KLHL32: variants seen among roughly 807,000 people sequenced by gnomAD.
KLHL32 encodes kelch like family member 32, also known as kelch-like protein 32.
A neutral mutation model predicts 64.8 loss-of-function variants in KLHL32; 35 were observed. That is an observed-to-expected ratio of 0.54 (90% CI 0.41 to 0.72). The LOEUF (loss-of-function observed/expected upper bound fraction) is 0.72. Ranked by LOEUF, KLHL32 falls within the 30% of genes least tolerant of loss-of-function variation. KLHL32 has a pLI of 0.00. For missense variants in KLHL32, 589 were observed against 768.5 expected, an observed-to-expected ratio of 0.77 and a Z score of 2.76; for synonymous variants, 259 against 281.0, an observed-to-expected ratio of 0.92 and a Z score of 0.78.
chr6:97,033,186 T>G (rs1418550268), intron 3 of KLHL32, among the ~76,000 whole-genome samples: 1 of 152,190 alleles, frequency 6.6e-6, no homozygotes, highest in Non-Finnish European at 1.5e-5. Flanking sequence ...CCAAAACATA[T>G]GTCTGACTCA....
At chr6:97,091,721 T>A (rs1794263848) in intron 6 of KLHL32, among the ~76,000 whole-genome samples, 1 of 152,232 alleles carries the variant, frequency 6.6e-6, no homozygotes, top group South Asian at 2.1e-4. Flanking sequence ...TTCAATGCTT[T>A]GCTTATTGTT....
At chr6:97,041,441 T>A (rs1785100444) in intron 3 of KLHL32, 51 bp from the exon 4 acceptor site, 1 of 1,232,654 alleles carries the variant, frequency 8.1e-7, no homozygotes. Flanking sequence ...TTTGTCTTGC[T>A]CCCTTGCTGT....
intron 5 of KLHL32, among the ~76,000 whole-genome samples, chr6:97,069,917 T>A (rs974937432): frequency 5.3e-5 from 8 of 151,956 alleles, no homozygotes; most frequent in Admixed American, 6.6e-5. Context: ...TTATAGGAGG[T>A]TATCTCTTCT....
At chr6:97,070,878 AAAG>A (rs1442603173) in intron 5 of KLHL32, among the ~76,000 whole-genome samples, 2 of 152,082 alleles carry the variant, frequency 1.3e-5, no homozygotes, top group Admixed American at 6.6e-5. Flanking sequence ...GGGGTGTGTA[AAAG>A]AAGATCTGTG....
the KLHL32 span, among the ~76,000 whole-genome samples, chr6:96,917,956 A>G: frequency 6.3e-4 from 96 of 152,330 alleles, no homozygotes; most frequent in African/African-American, 2.2e-3. Context: ...CGTACATTGT[A>G]GGATGTTTAG....
At chr6:97,101,189 GT>G (rs988453248) in intron 6 of KLHL32, among the ~76,000 whole-genome samples, 1 of 151,916 alleles carries the variant, frequency 6.6e-6, no homozygotes, top group Non-Finnish European at 1.5e-5. Flanking sequence ...AAATTAAACA[GT>G]TTTTTTAAAC....
chr6:96,909,791 A>C, the KLHL32 span, among the ~76,000 whole-genome samples: 1 of 152,252 alleles, frequency 6.6e-6, no homozygotes, highest in Non-Finnish European at 1.5e-5. Context: ...GTTTGAAAGC[A>C]TGTGTCTTTT....
chr6:97,054,540 CAT>C (rs1787483491), intron 4 of KLHL32, among the ~76,000 whole-genome samples: 2 of 152,136 alleles, frequency 1.3e-5, no homozygotes, highest in Admixed American at 6.5e-5. Flanking sequence ...GCATATATAA[CAT>C]AGAAAAATAC....
At chr6:96,981,654 G>T (rs534176862) in intron 3 of KLHL32, among the ~76,000 whole-genome samples, 21 of 152,020 alleles carry the variant, frequency 1.4e-4, no homozygotes, top group Admixed American at 3.9e-4. Context: ...GATTGTTAAC[G>T]TGACATCTTT....
chr6:96,987,869 ATAAAT>A (rs1777312757), intron 3 of KLHL32, among the ~76,000 whole-genome samples: 1 of 152,240 alleles, frequency 6.6e-6, no homozygotes, highest in Non-Finnish European at 1.5e-5. Context: ...TCCCTATTTA[ATAAAT>A]GGTGCTGGGA....
intron 10 of KLHL32, among the ~76,000 whole-genome samples, chr6:97,138,240 C>CTA (rs1800264828): frequency 8.3e-6 from 1 of 121,048 alleles, no homozygotes; most frequent in Admixed American, 8.0e-5. Flanking sequence ...AGAGGCTGTG[C>CTA]TATATAAGAA....
intron 4 of KLHL32, among the ~76,000 whole-genome samples, chr6:97,054,748 A>G (rs1235519420): frequency 3.3e-5 from 5 of 152,344 alleles, no homozygotes; most frequent in African/African-American, 9.6e-5. Context: ...AATGATAGCC[A>G]TTCATCTCTA....
At chr6:97,039,562 C>T (rs1238165322) in intron 3 of KLHL32, among the ~76,000 whole-genome samples, 2 of 105,974 alleles carry the variant, frequency 1.9e-5, no homozygotes, top group African/African-American at 4.7e-5. Flanking sequence ...TGGTTCACGC[C>T]TGTAATCCCA....
chr6:97,076,382 T>C (rs1008690003), intron 5 of KLHL32, among the ~76,000 whole-genome samples: 23 of 152,244 alleles, frequency 1.5e-4, no homozygotes, highest in Non-Finnish European at 1.3e-4. Flanking sequence ...GCATCTACTA[T>C]GTAGAAGGTA....
chr6:96,913,151 T>A, the KLHL32 span, among the ~76,000 whole-genome samples: 1 of 152,254 alleles, frequency 6.6e-6, no homozygotes, highest in African/African-American at 2.4e-5. Context: ...GGACTATTAA[T>A]GAGGTACAGC....
intron 2 of KLHL32, among the ~76,000 whole-genome samples, chr6:96,971,853 A>T (rs560156496): frequency 7.2e-5 from 11 of 151,870 alleles, no homozygotes; most frequent in Admixed American, 2.6e-4. Context: ...GTAAAAAAAA[A>T]TTTTTTTTCT....
At chr6:96,994,511 AT>A in intron 3 of KLHL32, 1 of 985,320 alleles carries the variant, frequency 1.0e-6, no homozygotes, top group Non-Finnish European at 1.2e-6. Context: ...TTGGCAGTTT[AT>A]TTTGAAGCTC....
At chr6:97,028,295 T>A (rs1783030274) in intron 3 of KLHL32, among the ~76,000 whole-genome samples, 1 of 152,166 alleles carries the variant, frequency 6.6e-6, no homozygotes, top group African/African-American at 2.4e-5. Flanking sequence ...GAAGGGCCAG[T>A]GATCTCTAAA....
the KLHL32 span, among the ~76,000 whole-genome samples, chr6:96,901,491 G>A: frequency 1.3e-5 from 2 of 152,014 alleles, no homozygotes; most frequent in South Asian, 2.1e-4. Flanking sequence ...TTGGACCTGC[G>A]TGGATAATCC....
Sources: gnomAD v4.1 joint callset for allele counts (sites outside exome capture counted in the v4.1 genomes callset) on GRCh38, gnomAD v4.1.1 for gene constraint, MANE v1.5 for transcripts, NCBI Gene and HGNC (gene_info 2026-07-23, HGNC 2026-07-21) for gene names.